PLXNA1: variants seen among roughly 807,000 people sequenced by gnomAD.
PLXNA1 encodes the protein plexin A1.
In PLXNA1, 77 loss-of-function variants were observed where a neutral mutation model predicts 191.7. The ratio of observed to expected loss-of-function variants is 0.40; its 90% CI spans 0.33 to 0.49. The LOEUF (loss-of-function observed/expected upper bound fraction) is 0.49. PLXNA1 is among the 20% of genes least tolerant of loss of function. The pLI is 0.63. For synonymous variants in PLXNA1, 1,137 were observed against 1,156.4 expected (o/e 0.98, Z 0.34); for missense variants, 2,110 against 2,660.2 (o/e 0.79, Z 4.55).
chr3:126,996,736 G>A (rs1321141462), intron 3 of PLXNA1, among the ~76,000 whole-genome samples: 5 of 152,200 alleles, frequency 3.3e-5, no homozygotes, highest in African/African-American at 1.2e-4. Flanking sequence ...GAGGGACAAG[G>A]GGAGTTGATT....
chr3:127,029,438 A>T lies in PLXNA1; in HGVS notation c.4774-2A>T. Reference sequence around the variant, plus strand: ...ACAGGGTCCCTGGCCCTCTGCCCACAGGTGACAGACGGGTCCTCGGTGGCA... The same window carrying T: ...ACAGGGTCCCTGGCCCTCTGCCCACTGGTGACAGACGGGTCCTCGGTGGCA... On this transcript the variant is annotated splice_acceptor_variant, in intron 26 of 31. Coordinates refer to ENST00000393409, the MANE Select transcript of PLXNA1 (RefSeq NM_032242.4). LOFTEE classifies it high-confidence loss of function. 6.2e-7 allele frequency: 1 copy of T among 1,613,428 alleles called. No individual in the cohort carries two copies. The highest frequency in any genetic ancestry group is 8.5e-7 in the Non-Finnish European group (1 of 1,179,630).
chr3:127,020,803 A>G (rs1576686764), intron 21 of PLXNA1, among the ~76,000 whole-genome samples: 1 of 152,014 alleles, frequency 6.6e-6, no homozygotes, highest in South Asian at 2.1e-4. Flanking sequence ...CTCGCTGGGC[A>G]GGGGCCGTGT....
In PLXNA1 at chr3:127,004,620, G is replaced by T. The variant is rs911688550; in HGVS notation, c.1528G>T (p.Val510Leu). The T allele has an allele frequency of 3.2e-6, 5 of 1,572,402 alleles. No individual in the cohort carries two copies. Among genetic ancestry groups the T allele is most frequent in the Admixed American group, 1.9e-5 (1 of 53,584 alleles). Residue 510 changes from valine to leucine, a missense_variant, in exon 5 of 32, where the codon GTG becomes TTG. By Grantham distance (32) the Val-to-Leu change is conservative. Around this residue, in one of 4 missense-constraint regions of PLXNA1, gnomAD observed 903 missense variants for 1,015.7 expected, o/e 0.89. Transcript: ENST00000393409. ...ACCTCCCCCACACCAGGTGACGCGG[G>T]TGCCTGTGGAGAGCTGTGTGCAGTA... ...YAMTEKQVTRVPVESCVQYTS... is the reference protein window; with the variant it reads ...YAMTEKQVTRLPVESCVQYTS...
chr3:127,022,264 C>G lies in PLXNA1; in HGVS notation c.4218C>G (p.Gly1406=). ...ALQGEMEYAT[G]VLKQLLSDLI... is the part of the protein sequence containing the mutation. ...AGGGCGAGATGGAATACGCCACAGG[C>G]GTGCTCAAGCAGCTGCTTTCCGACC... Residue 1406 remains glycine, a synonymous_variant, in exon 22 of 32, where the codon GGC becomes GGG. Transcript: ENST00000393409. The G allele has an allele frequency of 6.2e-7, 1 of 1,613,516 alleles. No individual in the cohort carries two copies. The highest frequency in any genetic ancestry group is 8.5e-7 in the Non-Finnish European group (1 of 1,179,960).
chr3:127,016,372 GGGA>G, intron 15 of PLXNA1, 142 bp from the exon 16 acceptor site: 1 of 697,786 alleles, frequency 1.4e-6, no homozygotes, highest in Non-Finnish European at 2.5e-6. Flanking sequence ...AGCCCTGGGA[GGGA>G]AAGTAGCGGT....
At position 126,989,438 on chromosome 3, in the gene PLXNA1, T is replaced by A; in HGVS notation, c.845T>A (p.Ile282Asn). 1 of 1,613,554 alleles carries A rather than the reference T, an allele frequency of 6.2e-7. No individual in the cohort carries two copies. Residue 282 changes from isoleucine to asparagine, a missense_variant, in exon 2 of 32, where the codon ATC becomes AAC. Physicochemically the swap from Ile to Asn is moderately radical, Grantham distance 149. This residue lies in a region of PLXNA1 where 903 missense variants were observed against 1,015.7 expected (regional missense o/e 0.89). Transcript: ENST00000393409. Reference protein sequence around the residue: ...AAGEHFFTSKIVRLCVDDPKF... With the variant: ...AAGEHFFTSKNVRLCVDDPKF... ...GGCGAGCACTTCTTCACGTCCAAGATCGTGCGGCTCTGTGTGGACGACCCC... is the reference window on the plus strand; with the variant it reads ...GGCGAGCACTTCTTCACGTCCAAGAACGTGCGGCTCTGTGTGGACGACCCC...
intron 1 of PLXNA1, among the ~76,000 whole-genome samples, chr3:126,986,242 C>T (rs913355799): frequency 3.3e-5 from 5 of 152,230 alleles, no homozygotes; most frequent in Non-Finnish European, 7.3e-5. Context: ...GCCCCACTGC[C>T]ACTGTGAGGA....
intron 8 of PLXNA1, 69 bp downstream of exon 8, chr3:127,006,247 C>CCACT (rs2079068653): frequency 3.3e-6 from 4 of 1,219,044 alleles, no homozygotes; most frequent in Non-Finnish European, 4.9e-6. Flanking sequence ...CCCTGTGGTC[C>CCACT]CACTGTGCTT....
chr3:126,995,599 C>T (rs2079011419), intron 3 of PLXNA1, among the ~76,000 whole-genome samples: 1 of 152,284 alleles, frequency 6.6e-6, no homozygotes, highest in Non-Finnish European at 1.5e-5. Flanking sequence ...GTAGGCCTGA[C>T]TGCCTGAGCA....
intron 9 of PLXNA1, among the ~76,000 whole-genome samples, chr3:127,008,769 T>G (rs536978933): frequency 1.3e-5 from 2 of 152,060 alleles, no homozygotes; most frequent in African/African-American, 4.8e-5. Context: ...GGAAGTTGCA[T>G]GGTGGCCCTC....
At position 127,017,673 on chromosome 3, in the gene PLXNA1, C is replaced by A; in HGVS notation, c.3516+9C>A. ...CCCCACTCATCCTCAAGGTGGGTCA[C>A]CATTGCCCGTAGGCTGGGCCAAGCC... On this transcript the variant is annotated intron_variant, in intron 18 of 31. Coordinates refer to ENST00000393409, the MANE Select transcript of PLXNA1 (RefSeq NM_032242.4). 1 of 1,613,340 alleles carries A rather than the reference C, an allele frequency of 6.2e-7. No homozygotes were observed. The highest frequency in any genetic ancestry group is 1.1e-5 in the South Asian group (1 of 91,088).
At chr3:127,022,476 G>A (rs2079156835) in intron 22 of PLXNA1, 135 bp downstream of exon 22, 1 of 1,151,996 alleles carries the variant, frequency 8.7e-7, no homozygotes, top group Non-Finnish European at 1.2e-6. Context: ...CCTGGCCTCT[G>A]AGGCTCAGCT....
At chr3:127,013,975 G>A (rs544950250) in intron 10 of PLXNA1, 45 bp from the exon 11 acceptor site, 2 of 1,575,390 alleles carry the variant, frequency 1.3e-6, no homozygotes, top group African/African-American at 2.7e-5. Context: ...TGGGAGGCCT[G>A]GAGGCCGCTT....
intron 20 of PLXNA1, among the ~76,000 whole-genome samples, chr3:127,018,832 C>T (rs555471788): frequency 2.0e-5 from 3 of 152,352 alleles, no homozygotes; most frequent in Non-Finnish European, 2.9e-5. Context: ...CCTTCTGTGG[C>T]TCAGTCTTGT....
At position 127,017,611 on chromosome 3, in the gene PLXNA1, C is replaced by T. The variant is rs551037715; in HGVS notation, c.3463C>T (p.Leu1155Phe). ...LYYPDPVLEP[L>F]SPTGLLELKP... ...CTACCCTGACCCCGTACTGGAGCCA[C>T]TCAGCCCCACTGGCCTGCTGGAGCT... The change falls in exon 18 of 32, where the codon CTC (leucine) becomes TTC (phenylalanine). Residue 1155 changes from leucine to phenylalanine, a missense_variant. Leu to Phe is a conservative substitution (Grantham distance 22). Coordinates refer to ENST00000393409, the MANE Select transcript of PLXNA1 (RefSeq NM_032242.4). 19 of 1,613,710 alleles carry T rather than the reference C, an allele frequency of 1.2e-5. No homozygotes were observed. In the East Asian group the frequency reaches 2.5e-4, roughly 21 times the overall value.
At chr3:126,990,344 G>A (rs550135248) in intron 2 of PLXNA1, among the ~76,000 whole-genome samples, 1 of 152,232 alleles carries the variant, frequency 6.6e-6, no homozygotes, top group South Asian at 2.1e-4. Flanking sequence ...GTGTCCTGGT[G>A]CAGGCCACAG....
At chr3:127,029,578 C>T (rs370618411) in intron 27 of PLXNA1, 42 bp downstream of exon 27, 1 of 1,590,462 alleles carries the variant, frequency 6.3e-7, no homozygotes, top group Non-Finnish European at 8.6e-7. Flanking sequence ...CGCATGGGTC[C>T]CTGGCCTGGG....
rs1351758948 is a variant in PLXNA1, at chr3:127,036,724, G to A, written c.*2707G>A. The A allele has an allele frequency of 6.6e-6, 1 of 152,210 alleles. No homozygotes were observed. The highest frequency in any genetic ancestry group is 2.4e-5 in the African/African-American group (1 of 41,438). 9.4% of individuals were successfully genotyped at this position (152,210 alleles called of 1,614,324 possible). ...CCAGCAGCGGTGAGCGGCTCCCATG[G>A]GCCCTGTGTCTGCAGGGAGCCAGGG... On this transcript the variant is annotated 3_prime_UTR_variant, in exon 32 of 32. Coordinates refer to ENST00000393409, the MANE Select transcript of PLXNA1 (RefSeq NM_032242.4).
At position 127,014,640 on chromosome 3, in the gene PLXNA1, C is replaced by T. The variant is rs1213016142; in HGVS notation, c.2756+11C>T. On this transcript the variant is annotated intron_variant, in intron 13 of 31. Transcript: ENST00000393409. ...CATCAGTGCGGAGCAGTGAGTGCAGCCCTGGGTGTGTGCGGGGCGGGACGG... is the reference window on the plus strand; with the variant it reads ...CATCAGTGCGGAGCAGTGAGTGCAGTCCTGGGTGTGTGCGGGGCGGGACGG... 1.2e-5 allele frequency: 19 copies of T among 1,612,662 alleles called. No individual in the cohort carries two copies. Among genetic ancestry groups the T allele is most frequent in the Non-Finnish European group, 1.6e-5 (19 of 1,179,664 alleles).
Sources: gnomAD v4.1 joint callset for allele counts (sites outside exome capture counted in the v4.1 genomes callset) on GRCh38, gnomAD v4.1.1 for gene constraint, gnomAD v4.1.1 regional missense constraint, MANE v1.5 for transcripts, NCBI Gene and HGNC (gene_info 2026-07-23, HGNC 2026-07-21) for gene names.